The following ST6GALNAC2 variants were observed in gnomAD, a reference collection of about 807,000 sequenced individuals.
ST6GALNAC2 encodes ST6 N-acetylgalactosaminide alpha-2,6-sialyltransferase 2, also known as alpha-N-acetylgalactosaminide alpha-2,6-sialyltransferase 2.
A neutral mutation model predicts 38.7 loss-of-function variants in ST6GALNAC2; 42 were observed. The observed-to-expected ratio is 1.09, with a 90% CI of 0.85 to 1.40. ST6GALNAC2 has a LOEUF of 1.40. Among genes scored for constraint, ST6GALNAC2 ranks in the 40% most tolerant of loss-of-function variants. The pLI is 0.00. For synonymous variants in ST6GALNAC2, 233 were observed against 209.0 expected (o/e 1.11, Z -0.99); for missense variants, 506 against 481.7 (o/e 1.05, Z -0.47).
chr17:76,581,943 C>T (rs1158091870), intron 1 of ST6GALNAC2, among the ~76,000 whole-genome samples: 1 of 152,044 alleles, frequency 6.6e-6, no homozygotes, highest in Non-Finnish European at 1.5e-5. Context: ...TCTTGGCTCA[C>T]TGCAACCTCC....
intron 8 of ST6GALNAC2, among the ~76,000 whole-genome samples, chr17:76,566,529 C>T (rs1387775324): frequency 6.6e-6 from 1 of 152,072 alleles, no homozygotes; most frequent in Admixed American, 6.6e-5. Context: ...TCTCTCCATC[C>T]TAACTGGGGA....
intron 6 of ST6GALNAC2, chr17:76,569,449 G>A (rs1165524903): frequency 2.7e-6 from 1 of 365,090 alleles, no homozygotes; most frequent in Admixed American, 4.9e-5. Context: ...CTGAGGACTG[G>A]GGTTCAGGGA....
chr17:76,568,660 G>A, intron 7 of ST6GALNAC2, 53 bp downstream of exon 7: 1 of 1,576,534 alleles, frequency 6.3e-7, no homozygotes, highest in Non-Finnish European at 8.7e-7. Context: ...GTGGGTGGGT[G>A]TGTAAAAGGG....
intron 1 of ST6GALNAC2, among the ~76,000 whole-genome samples, chr17:76,585,135 G>A (rs2075529491): frequency 6.6e-6 from 1 of 152,212 alleles, no homozygotes; most frequent in Non-Finnish European, 1.5e-5. Flanking sequence ...CGCCCGCACT[G>A]GGCTTATCCA....
Position 76,568,856 on chromosome 17 carries a change from TGGAG to T in ST6GALNAC2, c.774-64_774-61del, listed in dbSNP as rs764413724. The T allele has an allele frequency of 6.4e-6, 10 of 1,563,218 alleles. No homozygotes were observed. The African/African-American group carries it at 1.4e-4, about 21-fold the overall frequency. On this transcript the variant is annotated intron_variant, in intron 6 of 8. Transcript: ENST00000225276. ...GAGCCGTCGTATTGCAAGGGGGAGA[TGGAG>T]GGGAGGGTCAGGGCGCCGGAGTAGC...
intron 7 of ST6GALNAC2, 133 bp from the exon 8 acceptor site, chr17:76,567,685 C>A: frequency 1.7e-6 from 1 of 605,100 alleles, no homozygotes; most frequent in Non-Finnish European, 3.0e-6. Flanking sequence ...TTATTCGGTC[C>A]AAGTGGACTA....
chr17:76,569,771 C>CA (rs1555628060), intron 6 of ST6GALNAC2: 9 of 215,376 alleles, frequency 4.2e-5, no homozygotes, highest in Middle Eastern at 2.9e-3. Context: ...AATCACCAAG[C>CA]GGGGGTGGGG....
At chr17:76,570,508 C>A in intron 6 of ST6GALNAC2, 57 bp downstream of exon 6, 6 of 1,279,850 alleles carry the variant, frequency 4.7e-6, no homozygotes, top group Non-Finnish European at 6.7e-6. Context: ...AAGGAGATAA[C>A]CACAGTGTCC....
chr17:76,579,417 A>C (rs1437527624), intron 1 of ST6GALNAC2, among the ~76,000 whole-genome samples: 2 of 152,212 alleles, frequency 1.3e-5, no homozygotes. Context: ...TGGAACTGTG[A>C]CCATCTGAAG....
chr17:76,578,349 A>C (rs1598258894), intron 2 of ST6GALNAC2, among the ~76,000 whole-genome samples: 1 of 152,316 alleles, frequency 6.6e-6, no homozygotes, highest in Middle Eastern at 3.4e-3. Flanking sequence ...CAGGGCCCTG[A>C]AGCTTCTCAA....
intron 2 of ST6GALNAC2, among the ~76,000 whole-genome samples, chr17:76,574,821 C>G (rs906204195): frequency 6.6e-6 from 1 of 152,038 alleles, no homozygotes; most frequent in Non-Finnish European, 1.5e-5. Context: ...GGTCTACAGG[C>G]GCCCGCCACC....
chr17:76,568,399 G>C, intron 7 of ST6GALNAC2: 1 of 399,814 alleles, frequency 2.5e-6, no homozygotes, highest in Middle Eastern at 7.0e-4. Flanking sequence ...CTGATGCCCT[G>C]CTGCTGACGG....
chr17:76,578,536 G>A (rs2075442323), intron 2 of ST6GALNAC2, among the ~76,000 whole-genome samples: 1 of 152,172 alleles, frequency 6.6e-6, no homozygotes, highest in African/African-American at 2.4e-5. Flanking sequence ...TACACCCCAT[G>A]AGTACATATT....
At chr17:76,577,132 T>A (rs865821351) in intron 2 of ST6GALNAC2, among the ~76,000 whole-genome samples, 5 of 147,708 alleles carry the variant, frequency 3.4e-5, no homozygotes, top group African/African-American at 1.0e-4. Context: ...AATGGCATGA[T>A]CTCAGCTAAC....
Position 76,573,249 on chromosome 17 carries a change from A to ATGCCTCCGT in ST6GALNAC2, c.467_475dup (p.Asn156_Gly158dup). ...GGGACCCTGGCGGGACCCATTCAGA[A>ATGCCTCCGT]TGCCTCCGTTGCCCACCACGGCACA... On this transcript the variant is annotated inframe_insertion, in exon 4 of 9. Transcript: ENST00000225276. The surrounding 1 kb of genome is among the most constrained non-coding windows in gnomAD (Gnocchi z 5.1). The ATGCCTCCGT allele has an allele frequency of 6.2e-7, 1 of 1,613,290 alleles. No individual in the cohort carries two copies. The highest frequency in any genetic ancestry group is 8.5e-7 in the Non-Finnish European group (1 of 1,179,732).
At position 76,582,336 on chromosome 17, in the gene ST6GALNAC2, CTAT is replaced by C. The variant is rs2075488134; in HGVS notation, c.125+3345_125+3347del. ...TACAGGCATGTGTCACCATGCCTGG[CTAT>C]TTTTTTTTTTTTTGGTATTTTTAGT... On this transcript the variant is annotated intron_variant, in intron 1 of 8. Coordinates refer to ENST00000225276, the MANE Select transcript of ST6GALNAC2 (RefSeq NM_006456.3). Among the ~76,000 whole-genome samples, 4 of 35,312 alleles carry C rather than the reference CTAT, an allele frequency of 1.1e-4. No homozygotes were observed. In the South Asian group the frequency reaches 3.3e-3, roughly 29 times the overall value. 23.2% of individuals were successfully genotyped at this position (35,312 alleles called of 152,430 possible).
At chr17:76,570,755 C>A in intron 5 of ST6GALNAC2, 87 bp from the exon 6 acceptor site, 1 of 1,001,026 alleles carries the variant, frequency 1.0e-6, no homozygotes. Flanking sequence ...AACCTTGCCC[C>A]CTGAGCCGAC....
At chr17:76,570,453 C>T in intron 6 of ST6GALNAC2, 112 bp downstream of exon 6, 1 of 675,676 alleles carries the variant, frequency 1.5e-6, no homozygotes, top group Non-Finnish European at 2.6e-6. Context: ...TTCTTACTGC[C>T]CTTCACCCAC....
Position 76,573,419 on chromosome 17 carries a change from G to T in ST6GALNAC2, c.362-56C>A. On this transcript the variant is annotated intron_variant, in intron 3 of 8. Coordinates refer to ENST00000225276, the MANE Select transcript of ST6GALNAC2 (RefSeq NM_006456.3). This position sits in a 1 kb window ranked among gnomAD's most constrained non-coding sequence, Gnocchi z 5.1. Reference sequence around the variant, plus strand: ...GAGGGCTGGCATCGGGGGCACCTGGGGCCTTCCCTAGGCTGGTTCTGGTGC... The same window carrying T: ...GAGGGCTGGCATCGGGGGCACCTGGTGCCTTCCCTAGGCTGGTTCTGGTGC... The T allele has an allele frequency of 6.9e-7, 1 of 1,453,604 alleles. No homozygotes were observed. 90.0% of individuals were successfully genotyped at this position (1,453,604 alleles called of 1,614,324 possible).
Sources: gnomAD v4.1 joint callset for allele counts (sites outside exome capture counted in the v4.1 genomes callset) on GRCh38, gnomAD v4.1.1 for gene constraint, Gnocchi (gnomAD v3.1) non-coding constraint, MANE v1.5 for transcripts, NCBI Gene and HGNC (gene_info 2026-07-23, HGNC 2026-07-21) for gene names.